The following PPFIA2 variants were observed in gnomAD, a reference collection of about 807,000 sequenced individuals.
PPFIA2 encodes the protein PPFI scaffold protein A2.
PPFIA2 carries 46 observed loss-of-function variants against 175.5 expected under a neutral mutation model. That is an observed-to-expected ratio of 0.26 (90% CI 0.21 to 0.34). The LOEUF (loss-of-function observed/expected upper bound fraction) is 0.34. Ranked by LOEUF, PPFIA2 falls within the 10% of genes least tolerant of loss-of-function variation. The pLI is 1.00. For synonymous variants in PPFIA2, 568 were observed against 511.4 expected (o/e 1.11, Z -1.49); for missense variants, 1,179 against 1,506.1 (o/e 0.78, Z 3.60).
chr12:81,404,177 C>G (rs540806646), intron 8 of PPFIA2, among the ~76,000 whole-genome samples: 1 of 152,138 alleles, frequency 6.6e-6, no homozygotes, highest in Admixed American at 6.6e-5. Flanking sequence ...AAGAAGAACA[C>G]TTCAAGTATG....
intron 24 of PPFIA2, among the ~76,000 whole-genome samples, chr12:81,291,772 G>A (rs1048719443): frequency 1.3e-5 from 2 of 151,954 alleles, no homozygotes; most frequent in African/African-American, 4.8e-5. Context: ...TAAAGGAATC[G>A]ATAAATGAAT....
chr12:81,294,551 GA>G (rs2046007803), intron 24 of PPFIA2: 2 of 295,902 alleles, frequency 6.8e-6, no homozygotes, highest in Non-Finnish European at 1.3e-5. Flanking sequence ...GGAAGGAATT[GA>G]AAAAAGAGTA....
intron 4 of PPFIA2, among the ~76,000 whole-genome samples, chr12:81,516,685 G>A (rs1320291613): frequency 6.6e-6 from 1 of 152,152 alleles, no homozygotes; most frequent in Non-Finnish European, 1.5e-5. Context: ...CTTGCAAAGA[G>A]CCTTCAGAAG....
At chr12:81,486,083 T>C (rs1247974921) in intron 4 of PPFIA2, among the ~76,000 whole-genome samples, 3 of 151,976 alleles carry the variant, frequency 2.0e-5, no homozygotes, top group East Asian at 3.9e-4. Context: ...TTAAATGAAA[T>C]GTAACACATA....
intron 4 of PPFIA2, among the ~76,000 whole-genome samples, chr12:81,607,099 C>T (rs1031967146): frequency 6.6e-6 from 1 of 151,890 alleles, no homozygotes; most frequent in Non-Finnish European, 1.5e-5. Flanking sequence ...CTATTGTCAG[C>T]CTCATCGAAG....
In PPFIA2 at chr12:81,533,704, T is replaced by TATCC. The variant is rs1219300788; in HGVS notation, c.304-75839_304-75838insGGAT. ...TTCTAAATTCACAAATCTATCTATC[T>TATCC]ATCTATCTATCTATCTATCTATCTA... is the stretch of plus-strand genomic sequence containing the variant. On this transcript the variant is annotated intron_variant, in intron 4 of 32. Coordinates refer to ENST00000549396, the MANE Select transcript of PPFIA2 (RefSeq NM_003625.5). Among the ~76,000 whole-genome samples the TATCC allele has an allele frequency of 5.0e-5, 6 of 118,900 alleles. No homozygotes were observed. In the East Asian group the frequency reaches 7.8e-4, roughly 15 times the overall value. The allele number at this position is 118,900 out of a possible 152,430, so 78.0% of individuals were successfully genotyped here. A position where few individuals can be genotyped will look rare whatever the true frequency, so the allele number is the denominator to read the frequency against.
chr12:81,731,532 C>T (rs1274359079), intron 3 of PPFIA2, among the ~76,000 whole-genome samples: 1 of 151,568 alleles, frequency 6.6e-6, no homozygotes, highest in Non-Finnish European at 1.5e-5. Context: ...CCTTACTGTG[C>T]TTATATCTCA....
At chr12:81,299,450 T>C in intron 22 of PPFIA2, 68 bp from the exon 23 acceptor site, 1 of 1,503,714 alleles carries the variant, frequency 6.7e-7, no homozygotes, top group Non-Finnish European at 8.9e-7. Flanking sequence ...TTTTTAATGA[T>C]AATATTTTAA....
At chr12:81,356,849 C>A (rs537875847) in intron 16 of PPFIA2, among the ~76,000 whole-genome samples, 1 of 152,072 alleles carries the variant, frequency 6.6e-6, no homozygotes, top group African/African-American at 2.4e-5. Flanking sequence ...TAAAGCAAAG[C>A]ACAGTAAAAC....
chr12:81,570,891 G>A (rs536110982), intron 4 of PPFIA2, among the ~76,000 whole-genome samples: 2 of 151,720 alleles, frequency 1.3e-5, no homozygotes, highest in East Asian at 3.9e-4. Flanking sequence ...TCTCTTACTG[G>A]TTTATATTCT....
intron 29 of PPFIA2, 177 bp from the exon 30 acceptor site, chr12:81,267,197 G>GT: frequency 1.7e-6 from 1 of 598,972 alleles, no homozygotes; most frequent in Non-Finnish European, 3.0e-6. Flanking sequence ...AAAAAACAGG[G>GT]CTTTTTTTTT....
intron 23 of PPFIA2, among the ~76,000 whole-genome samples, chr12:81,295,358 A>ACGG (rs1394422256): frequency 2.6e-5 from 4 of 152,292 alleles, no homozygotes; most frequent in African/African-American, 9.6e-5. Context: ...AGGGACCAGA[A>ACGG]CGGCTACAAG....
At chr12:81,424,131 G>A (rs544134477) in intron 7 of PPFIA2, among the ~76,000 whole-genome samples, 69 of 151,970 alleles carry the variant, frequency 4.5e-4, no homozygotes, top group African/African-American at 1.7e-3. Flanking sequence ...ATTATTAAAT[G>A]TTTTACATTA....
At position 81,382,616 on chromosome 12, in the gene PPFIA2, A is replaced by G. The variant is rs140627983; in HGVS notation, c.984+1407T>C. On this transcript the variant is annotated intron_variant, in intron 9 of 32. Transcript: ENST00000549396. ...ACAGGATTTACTGCTGAATCAAAGC[A>G]AGTGTGTGAGGGGAGAGATCTTAAG... Among the ~76,000 whole-genome samples, 237 of 152,296 alleles carry G rather than the reference A, an allele frequency of 1.6e-3. 2 individuals are homozygous for G. Among genetic ancestry groups the G allele is most frequent in the African/African-American group, 4.9e-3 (205 of 41,578 alleles).
At chr12:81,492,347 T>G (rs147139967) in intron 4 of PPFIA2, among the ~76,000 whole-genome samples, 26 of 152,198 alleles carry the variant, frequency 1.7e-4, no homozygotes, top group African/African-American at 5.5e-4. Context: ...AGACTAAATT[T>G]AGTCAAAACA....
intron 4 of PPFIA2, among the ~76,000 whole-genome samples, chr12:81,526,907 C>A (rs575958343): frequency 2.6e-5 from 4 of 152,084 alleles, no homozygotes; most frequent in Admixed American, 6.5e-5. Flanking sequence ...ATGCTTCTAG[C>A]TGAAGGTATG....
chr12:81,384,971 A>T (rs998674213), intron 8 of PPFIA2, among the ~76,000 whole-genome samples: 1 of 152,168 alleles, frequency 6.6e-6, no homozygotes, highest in South Asian at 2.1e-4. Context: ...CCCTACAGCT[A>T]AAGTCCGAAA....
intron 9 of PPFIA2, among the ~76,000 whole-genome samples, chr12:81,377,450 G>A (rs1027878689): frequency 2.6e-5 from 4 of 151,934 alleles, no homozygotes; most frequent in African/African-American, 9.7e-5. Context: ...TACTCAGAGA[G>A]GCCGAGGCCT....
chr12:81,483,526 A>G (rs2058481168), intron 4 of PPFIA2, among the ~76,000 whole-genome samples: 1 of 152,094 alleles, frequency 6.6e-6, no homozygotes, highest in Non-Finnish European at 1.5e-5. Context: ...AGGGCCTTGG[A>G]GGTGGGGCAA....
Sources: gnomAD v4.1 joint callset for allele counts (sites outside exome capture counted in the v4.1 genomes callset) on GRCh38, gnomAD v4.1.1 for gene constraint, MANE v1.5 for transcripts, NCBI Gene and HGNC (gene_info 2026-07-23, HGNC 2026-07-21) for gene names.